FNDC3B: variants seen among roughly 807,000 people sequenced by gnomAD.
FNDC3B encodes fibronectin type III domain-containing protein 3B.
FNDC3B carries 12 observed loss-of-function variants against 151.5 expected under a neutral mutation model. The ratio of observed to expected loss-of-function variants is 0.08; its 90% CI spans 0.05 to 0.13. FNDC3B has a LOEUF of 0.13. Ranked by LOEUF, FNDC3B falls within the 10% of genes least tolerant of loss-of-function variation. FNDC3B has a pLI of 1.00. For synonymous variants in FNDC3B, 528 were observed against 549.0 expected, an observed-to-expected ratio of 0.96 and a Z score of 0.54; for missense variants, 1,214 against 1,505.3, an observed-to-expected ratio of 0.81 and a Z score of 3.20.
chr3:172,311,351 C>T (rs1411912495), intron 11 of FNDC3B, among the ~76,000 whole-genome samples: 1 of 152,164 alleles, frequency 6.6e-6, no homozygotes, highest in African/African-American at 2.4e-5. Flanking sequence ...AAGTCACATT[C>T]TACCCATGTG....
intron 3 of FNDC3B, among the ~76,000 whole-genome samples, chr3:172,221,433 C>T (rs1726274711): frequency 6.9e-6 from 1 of 144,574 alleles, no homozygotes; most frequent in Non-Finnish European, 1.5e-5. Context: ...CCCTAGACAG[C>T]AGCATCCATA....
chr3:172,053,198 C>T (rs1425737919), intron 1 of FNDC3B, among the ~76,000 whole-genome samples: 1 of 152,164 alleles, frequency 6.6e-6, no homozygotes, highest in African/African-American at 2.4e-5. Flanking sequence ...CTAGTGTCCA[C>T]CGCAGAAGCT....
intron 1 of FNDC3B, among the ~76,000 whole-genome samples, chr3:172,067,502 G>A (rs1209700919): frequency 2.6e-5 from 4 of 152,082 alleles, no homozygotes; most frequent in African/African-American, 9.7e-5. Context: ...TACTAATGCT[G>A]TTATTTTATA....
At chr3:172,394,161 A>C (rs530445530) in intron 25 of FNDC3B, among the ~76,000 whole-genome samples, 2 of 147,688 alleles carry the variant, frequency 1.4e-5, no homozygotes, top group South Asian at 4.3e-4. Context: ...GTAGTTCTAA[A>C]AGCAAAGTTT....
At chr3:172,188,181 G>C (rs1372097418) in intron 3 of FNDC3B, among the ~76,000 whole-genome samples, 1 of 151,482 alleles carries the variant, frequency 6.6e-6, no homozygotes, top group African/African-American at 2.4e-5. Flanking sequence ...TTTTAGTAGA[G>C]ACAGGGTTTC....
chr3:172,190,735 C>G (rs571319864), intron 3 of FNDC3B, among the ~76,000 whole-genome samples: 2 of 152,198 alleles, frequency 1.3e-5, no homozygotes, highest in Admixed American at 6.5e-5. Flanking sequence ...ATGGCACGAT[C>G]TTGGCTCACC....
intron 3 of FNDC3B, among the ~76,000 whole-genome samples, chr3:172,199,340 T>C (rs9852331): frequency 0.88 from 132,846 of 150,280 alleles, 58,965 homozygotes; most frequent in Middle Eastern, 0.94. Flanking sequence ...CCACCTCGCC[T>C]GGCTAATTTT....
At chr3:172,383,556 A>G (rs1394759101) in intron 25 of FNDC3B, among the ~76,000 whole-genome samples, 1 of 152,230 alleles carries the variant, frequency 6.6e-6, no homozygotes, top group East Asian at 1.9e-4. Context: ...TTAATGTCAA[A>G]GGAATCACCC....
chr3:172,096,008 A>G (rs1719072051), intron 1 of FNDC3B, among the ~76,000 whole-genome samples: 1 of 152,206 alleles, frequency 6.6e-6, no homozygotes, highest in Admixed American at 6.5e-5. Flanking sequence ...TCATACTGTG[A>G]TGTATGTTTT....
chr3:172,368,245 GGGCAACA>G (rs1734723707), intron 23 of FNDC3B, among the ~76,000 whole-genome samples: 1 of 145,684 alleles, frequency 6.9e-6, no homozygotes, highest in Non-Finnish European at 1.5e-5. Context: ...ACTACAGCTT[GGGCAACA>G]GAGTGAGACC....
chr3:172,275,041 C>G (rs1729367471), intron 6 of FNDC3B, among the ~76,000 whole-genome samples: 1 of 151,876 alleles, frequency 6.6e-6, no homozygotes, highest in Non-Finnish European at 1.5e-5. Context: ...GTTTTTATTT[C>G]TCACCCAGAT....
chr3:172,202,901 C>T (rs1576794037), intron 3 of FNDC3B, among the ~76,000 whole-genome samples: 1 of 152,144 alleles, frequency 6.6e-6, no homozygotes, highest in Non-Finnish European at 1.5e-5. Context: ...CTGTAAAGGG[C>T]AAGATGGTAA....
intron 3 of FNDC3B, among the ~76,000 whole-genome samples, chr3:172,156,105 T>C (rs1320863526): frequency 6.6e-6 from 1 of 152,210 alleles, no homozygotes; most frequent in African/African-American, 2.4e-5. Flanking sequence ...TGTGTGATGG[T>C]AATGAGATAA....
At chr3:172,094,904 G>A (rs954228911) in intron 1 of FNDC3B, among the ~76,000 whole-genome samples, 2 of 151,800 alleles carry the variant, frequency 1.3e-5, no homozygotes, top group South Asian at 2.1e-4. Context: ...ACATGACAGG[G>A]ACAGTAGGCA....
chr3:172,360,209 A>T (rs1280296293), intron 22 of FNDC3B, among the ~76,000 whole-genome samples: 1 of 152,188 alleles, frequency 6.6e-6, no homozygotes, highest in African/African-American at 2.4e-5. Flanking sequence ...CTAATGGCTA[A>T]TGATGTCAAA....
At chr3:172,182,797 GATGTA>G (rs1398325283) in intron 3 of FNDC3B, among the ~76,000 whole-genome samples, 1 of 152,216 alleles carries the variant, frequency 6.6e-6, no homozygotes, top group African/African-American at 2.4e-5. Context: ...TTGGTACCAG[GATGTA>G]ATGAACTTGA....
intron 3 of FNDC3B, among the ~76,000 whole-genome samples, chr3:172,189,340 C>G (rs1469998354): frequency 6.6e-6 from 1 of 152,142 alleles, no homozygotes; most frequent in East Asian, 1.9e-4. Context: ...CCACCTCCAG[C>G]CCCCTCTGCA....
intron 6 of FNDC3B, among the ~76,000 whole-genome samples, chr3:172,265,441 C>T (rs1415585220): frequency 6.6e-6 from 1 of 151,952 alleles, no homozygotes; most frequent in African/African-American, 2.4e-5. Flanking sequence ...AGCAGTAGAT[C>T]AATAATCTGT....
At chr3:172,215,571 A>G (rs932677102) in intron 3 of FNDC3B, among the ~76,000 whole-genome samples, 3 of 152,176 alleles carry the variant, frequency 2.0e-5, no homozygotes, top group Non-Finnish European at 2.9e-5. Flanking sequence ...TAAAAATACA[A>G]AAATTAGCTT....
Sources: allele counts gnomAD v4.1 joint callset (sites outside exome capture counted in the v4.1 genomes callset), GRCh38; gene constraint gnomAD v4.1.1; transcripts MANE v1.5; gene names NCBI Gene and HGNC (gene_info 2026-07-23, HGNC 2026-07-21).